SLC8A1: variants seen among roughly 807,000 people sequenced by gnomAD.
SLC8A1 encodes the protein solute carrier family 8 member A1.
In SLC8A1, 18 loss-of-function variants were observed where a neutral mutation model predicts 68.3. That is an observed-to-expected ratio of 0.26 (90% CI 0.18 to 0.39). The LOEUF (loss-of-function observed/expected upper bound fraction) is 0.39, where lower values mean the gene tolerates loss of function less well. Among genes scored for constraint, SLC8A1 ranks in the 10% least tolerant of loss-of-function variants. SLC8A1 has a pLI of 1.00. For synonymous variants in SLC8A1, 475 were observed against 415.5 expected, an observed-to-expected ratio of 1.14 and a Z score of -1.74; for missense variants, 985 against 1,156.7, an observed-to-expected ratio of 0.85 and a Z score of 2.15.
chr2:40,310,787 G>A (rs1428432022), intron 2 of SLC8A1, among the ~76,000 whole-genome samples: 1 of 152,020 alleles, frequency 6.6e-6, no homozygotes, highest in Admixed American at 6.6e-5. Context: ...ATGGGACCAC[G>A]GCATGGGATC....
chr2:40,433,915 A>G (rs1254197079), intron 1 of SLC8A1, among the ~76,000 whole-genome samples: 1 of 152,142 alleles, frequency 6.6e-6, no homozygotes, highest in African/African-American at 2.4e-5. Flanking sequence ...CCTGGCTTTT[A>G]TCTTATGCAT....
chr2:40,173,452 T>C lies in SLC8A1; in HGVS notation c.1930+1373A>G, dbSNP rs1252147678. On this transcript the variant is annotated intron_variant, in intron 4 of 7. Coordinates refer to ENST00000406785, the Ensembl canonical transcript of SLC8A1. ...ATTCTTATCCCTTTCAACTTCTGTG[T>C]GTCTCAGAGTCTATGAATCATTTTG... Among the ~76,000 whole-genome samples, 3 of 152,196 alleles carry C rather than the reference T, an allele frequency of 2.0e-5. No homozygotes were observed. The East Asian group carries it at 5.8e-4, about 29-fold the overall frequency.
At chr2:40,134,536 ATGTT>A (rs772885335) in intron 7 of SLC8A1, among the ~76,000 whole-genome samples, 18 of 152,174 alleles carry the variant, frequency 1.2e-4, no homozygotes, top group Admixed American at 3.3e-4. Context: ...AAGAGGAAAA[ATGTT>A]TGTTCTGAGG....
chr2:40,332,731 A>G (rs1303851994), intron 2 of SLC8A1, among the ~76,000 whole-genome samples: 1 of 152,244 alleles, frequency 6.6e-6, no homozygotes, highest in Non-Finnish European at 1.5e-5. Flanking sequence ...GTGAGTTTAT[A>G]ATCCCTGACT....
At chr2:40,449,398 G>A in intron 1 of SLC8A1, among the ~76,000 whole-genome samples, 1 of 152,112 alleles carries the variant, frequency 6.6e-6, no homozygotes, top group South Asian at 2.1e-4. Context: ...GTCTATATTT[G>A]CCTGGCAAAA....
chr2:40,442,237 A>G (rs985551668), intron 1 of SLC8A1, among the ~76,000 whole-genome samples: 2 of 151,180 alleles, frequency 1.3e-5, no homozygotes, highest in Non-Finnish European at 2.9e-5. Context: ...ACAAATGTAT[A>G]AATCTTTTTA....
At chr2:40,256,745 G>T (rs540841416) in intron 2 of SLC8A1, among the ~76,000 whole-genome samples, 1 of 152,258 alleles carries the variant, frequency 6.6e-6, no homozygotes, top group East Asian at 1.9e-4. Flanking sequence ...TTTGAGCTGG[G>T]CTTTCCCCAG....
Position 40,432,705 on chromosome 2 carries a change from G to A in SLC8A1, c.-24-2401C>T, listed in dbSNP as rs1350943029. On this transcript the variant is annotated intron_variant, in intron 1 of 7. Transcript: ENST00000406785. Reference sequence around the variant, plus strand: ...ATCAGAGAACACTGAATTGCCATAAGGCATGGGCTTTGATGGGGTAGAAGA... The same window carrying A: ...ATCAGAGAACACTGAATTGCCATAAAGCATGGGCTTTGATGGGGTAGAAGA... 2.0e-5 allele frequency among the ~76,000 whole-genome samples: 3 copies of A among 151,928 alleles called. No homozygotes were observed. The East Asian group carries it at 5.8e-4, about 30-fold the overall frequency.
chr2:40,140,677 T>C (rs1406720802), intron 6 of SLC8A1, among the ~76,000 whole-genome samples: 1 of 152,242 alleles, frequency 6.6e-6, no homozygotes, highest in Non-Finnish European at 1.5e-5. Flanking sequence ...TCTTCTCCAG[T>C]TGACTGAGAA....
At chr2:40,148,392 T>G (rs17025258) in intron 6 of SLC8A1, among the ~76,000 whole-genome samples, 4,631 of 152,306 alleles carry the variant, frequency 0.03, 223 homozygotes, top group African/African-American at 0.11. Flanking sequence ...AATAACACTC[T>G]CATAACTCTT....
In SLC8A1 at chr2:40,124,293, C is replaced by G. The variant is rs114997777; in HGVS notation, c.2438-8664G>C. Among the ~76,000 whole-genome samples the G allele has an allele frequency of 9.8e-3, 1,493 of 152,198 alleles. 22 individuals carry two copies. The highest frequency in any genetic ancestry group is 0.033 in the African/African-American group (1,384 of 41,526). On this transcript the variant is annotated intron_variant, in intron 7 of 7. Transcript: ENST00000406785. ...GATCTAGACAATACACCGAAGATGCCCAAAATGTGCCTTTCCCCAATGGAT... is the reference window on the plus strand; with the variant it reads ...GATCTAGACAATACACCGAAGATGCGCAAAATGTGCCTTTCCCCAATGGAT...
At chr2:40,380,013 C>A (rs943479426) in intron 2 of SLC8A1, among the ~76,000 whole-genome samples, 3 of 152,080 alleles carry the variant, frequency 2.0e-5, no homozygotes. Flanking sequence ...CTTGATACCA[C>A]ATGTCAGCAC....
chr2:40,266,031 T>G (rs938760243), intron 2 of SLC8A1, among the ~76,000 whole-genome samples: 6 of 152,214 alleles, frequency 3.9e-5, no homozygotes, highest in African/African-American at 1.4e-4. Flanking sequence ...TACTAACTCC[T>G]AACTTCAACA....
intron 2 of SLC8A1, chr2:40,208,938 A>G (rs1423463048): frequency 6.6e-6 from 1 of 152,202 alleles, no homozygotes; most frequent in African/African-American, 2.4e-5. Flanking sequence ...TCCAGATGTC[A>G]GACATCATTC....
chr2:40,307,146 T>TACACACAC (rs144335092), intron 2 of SLC8A1, among the ~76,000 whole-genome samples: 3,110 of 148,198 alleles, frequency 0.021, 40 homozygotes, highest in Non-Finnish European at 0.025. Flanking sequence ...AAATGTGATA[T>TACACACAC]ACACACACAC....
exon 8 of SLC8A1, chr2:40,111,322 T>C (rs962070374): frequency 1.3e-5 from 2 of 152,120 alleles, no homozygotes; most frequent in Non-Finnish European, 2.9e-5. Flanking sequence ...TTTTGCTATA[T>C]AAAGAAATAG....
intron 2 of SLC8A1, chr2:40,254,596 TTTTATTA>T (rs1465589411): frequency 1.3e-5 from 2 of 152,164 alleles, no homozygotes; most frequent in East Asian, 3.8e-4. Flanking sequence ...AAAATTTCTT[TTTTATTA>T]TTTCTAATTT....
chr2:40,482,758 C>T (rs1455011271), intron 1 of SLC8A1, among the ~76,000 whole-genome samples: 1 of 150,172 alleles, frequency 6.7e-6, no homozygotes, highest in Non-Finnish European at 1.5e-5. Flanking sequence ...AATGTTTTTC[C>T]TTATTTCTAT....
chr2:40,215,176 A>G (rs1318174247), intron 2 of SLC8A1, among the ~76,000 whole-genome samples: 1 of 152,090 alleles, frequency 6.6e-6, no homozygotes, highest in African/African-American at 2.4e-5. Context: ...TATTAATATT[A>G]TTATCTTTAG....
Sources: allele counts gnomAD v4.1 joint callset (sites outside exome capture counted in the v4.1 genomes callset), GRCh38; gene constraint gnomAD v4.1.1; transcripts MANE v1.5; gene names NCBI Gene and HGNC (gene_info 2026-07-23, HGNC 2026-07-21).